PDE4D: variants seen among roughly 807,000 people sequenced by gnomAD.
PDE4D encodes the protein phosphodiesterase 4D, also known as 3',5'-cyclic-AMP phosphodiesterase 4D.
A neutral mutation model predicts 87.4 loss-of-function variants in PDE4D; 24 were observed. That is an observed-to-expected ratio of 0.27 (90% confidence interval 0.20 to 0.39). The LOEUF (loss-of-function observed/expected upper bound fraction) is 0.39. Ranked by LOEUF, PDE4D falls within the 10% of genes least tolerant of loss-of-function variation. The probability of loss-of-function intolerance (pLI) is 1.00; values close to 1 mark genes in which losing one functional copy is unlikely to be tolerated. For missense variants in PDE4D, 714 were observed against 1,041.0 expected (o/e 0.69, Z 4.32); for synonymous variants, 384 against 383.2 (o/e 1.00, Z -0.02).
Position 60,288,348 on chromosome 5 carries a change from T to C in PDE4D, c.-89-102661A>G, listed in dbSNP as rs567047004. On this transcript the variant is annotated intron_variant, in intron 1 of 16. Coordinates refer to the PDE4D transcript ENST00000502484. ...GTGACCACCAAACCTCTGCTACATA[T>C]TTATGAGTCTTCCTAAACCTCTAAT... Among the ~76,000 whole-genome samples, 9 of 152,366 alleles carry C rather than the reference T, an allele frequency of 5.9e-5. No individual in the cohort carries two copies. The South Asian group carries it at 1.9e-3, about 32-fold the overall frequency.
At chr5:59,056,363 T>C (rs542361401) in intron 5 of PDE4D, among the ~76,000 whole-genome samples, 30 of 152,232 alleles carry the variant, frequency 2.0e-4, no homozygotes, top group African/African-American at 7.0e-4. Flanking sequence ...CTTGAGTGTC[T>C]AAAAGTGCAG....
intron 1 of PDE4D, among the ~76,000 whole-genome samples, chr5:59,312,401 T>C (rs1308235900): frequency 1.3e-5 from 2 of 152,076 alleles, no homozygotes; most frequent in Non-Finnish European, 2.9e-5. Context: ...CTACAGCTGT[T>C]CCCCAGCTGG....
chr5:59,039,728 C>T lies in PDE4D; in HGVS notation c.809-757G>A, dbSNP rs6450500. 0.18 allele frequency: 29,119 copies of T among 162,286 alleles called. 3,601 individuals are homozygous for T. The highest frequency in any genetic ancestry group is 0.71 in the East Asian group (3,673 of 5,172). 10.1% of individuals were successfully genotyped at this position (162,286 alleles called of 1,614,324 possible). A position where few individuals can be genotyped will look rare whatever the true frequency, so the allele number is the denominator to read the frequency against. The stretch of plus-strand genomic sequence containing the variant: ...CCCTCGAGCTCTGCCCCGGGGGCCC[C>T]GCCACCTCGCAGTGCCATCCCCCCG... On this transcript the variant is annotated intron_variant, in intron 5 of 14. Coordinates refer to ENST00000340635, the MANE Select transcript of PDE4D (RefSeq NM_001104631.2).
chr5:60,418,694 G>T (rs1314049267), intron 1 of PDE4D, among the ~76,000 whole-genome samples: 3 of 151,968 alleles, frequency 2.0e-5, no homozygotes, highest in African/African-American at 7.3e-5. Flanking sequence ...AGAGAATGGA[G>T]TATCCATTCC....
chr5:60,037,087 A>T lies in PDE4D; in HGVS notation c.43-48370T>A, dbSNP rs16890457. On this transcript the variant is annotated intron_variant, in intron 2 of 16. Transcript: ENST00000502484. Reference sequence around the variant, plus strand: ...TGCATGCCAGGTTAATTCACATAGGAATAGGATACGCATATGGTTTTTCAT... The same window carrying T: ...TGCATGCCAGGTTAATTCACATAGGTATAGGATACGCATATGGTTTTTCAT... 7.5e-3 allele frequency among the ~76,000 whole-genome samples: 1,139 copies of T among 152,310 alleles called. 12 individuals carry two copies. The highest frequency in any genetic ancestry group is 0.026 in the African/African-American group (1,083 of 41,564).
chr5:59,567,311 C>T (rs1043209003), intron 1 of PDE4D, among the ~76,000 whole-genome samples: 3 of 152,182 alleles, frequency 2.0e-5, no homozygotes, highest in Admixed American at 1.3e-4. Flanking sequence ...CTACAAGTTA[C>T]TATTCTCCTT....
chr5:59,088,506 T>C (rs890912141), intron 5 of PDE4D, among the ~76,000 whole-genome samples: 3 of 152,182 alleles, frequency 2.0e-5, no homozygotes, highest in African/African-American at 7.2e-5. Context: ...CATGTGTATG[T>C]TCATTACAGC....
intron 1 of PDE4D, among the ~76,000 whole-genome samples, chr5:60,406,919 T>C (rs1198057025): frequency 6.6e-6 from 1 of 151,956 alleles, no homozygotes; most frequent in Non-Finnish European, 1.5e-5. Flanking sequence ...CAATGGCTGG[T>C]TGAAAAAGTA....
At chr5:60,084,383 T>C (rs1051840824) in intron 2 of PDE4D, among the ~76,000 whole-genome samples, 1 of 140,112 alleles carries the variant, frequency 7.1e-6, no homozygotes, top group African/African-American at 2.6e-5. Context: ...ATTCTTCGCA[T>C]CTTAACGTGT....
chr5:59,603,985 A>G (rs1054937736), intron 1 of PDE4D, among the ~76,000 whole-genome samples: 3 of 151,992 alleles, frequency 2.0e-5, no homozygotes, highest in African/African-American at 4.8e-5. Context: ...ATGTATATAT[A>G]CTTCAAAACA....
intron 1 of PDE4D, among the ~76,000 whole-genome samples, chr5:59,319,472 TCA>T (rs1334791423): frequency 6.6e-6 from 1 of 152,220 alleles, no homozygotes; most frequent in South Asian, 2.1e-4. Flanking sequence ...AGACATTTGC[TCA>T]CAGTCTGCAG....
intron 1 of PDE4D, among the ~76,000 whole-genome samples, chr5:59,427,834 AAG>A (rs1554170118): frequency 1.3e-5 from 2 of 151,900 alleles, no homozygotes; most frequent in African/African-American, 2.4e-5. Flanking sequence ...AAAAAAAAAA[AAG>A]AAATTGCTAT....
At chr5:59,154,819 G>A (rs1282673116) in intron 5 of PDE4D, among the ~76,000 whole-genome samples, 3 of 152,190 alleles carry the variant, frequency 2.0e-5, no homozygotes, top group Non-Finnish European at 4.4e-5. Context: ...CCAGGAGGTG[G>A]AGGTTACAGT....
At chr5:59,192,808 G>A (rs1424332317) in intron 3 of PDE4D, among the ~76,000 whole-genome samples, 1 of 152,156 alleles carries the variant, frequency 6.6e-6, no homozygotes, top group East Asian at 1.9e-4. Context: ...AACAAATACA[G>A]ATGCTTGTAA....
intron 1 of PDE4D, among the ~76,000 whole-genome samples, chr5:60,353,818 G>A (rs1260376006): frequency 1.3e-5 from 2 of 151,988 alleles, no homozygotes; most frequent in Non-Finnish European, 2.9e-5. Flanking sequence ...ACTATATATT[G>A]ACCAGGCGGC....
At chr5:59,663,691 C>T (rs1222082057) in intron 1 of PDE4D, among the ~76,000 whole-genome samples, 1 of 152,058 alleles carries the variant, frequency 6.6e-6, no homozygotes, top group Non-Finnish European at 1.5e-5. Context: ...GTATAATTTT[C>T]TAAATAATGG....
intron 6 of PDE4D, among the ~76,000 whole-genome samples, chr5:59,032,348 G>A (rs186951701): frequency 5.9e-5 from 9 of 152,300 alleles, no homozygotes; most frequent in South Asian, 4.1e-4. Flanking sequence ...GTGGGAGGCC[G>A]AGGAGGGAGG....
At chr5:59,376,694 C>G (rs1331270337) in intron 1 of PDE4D, among the ~76,000 whole-genome samples, 1 of 152,052 alleles carries the variant, frequency 6.6e-6, no homozygotes, top group Non-Finnish European at 1.5e-5. Flanking sequence ...TTTTAAAATT[C>G]ATATGGAACC....
intron 1 of PDE4D, among the ~76,000 whole-genome samples, chr5:60,435,020 G>A (rs1282970788): frequency 6.6e-6 from 1 of 152,100 alleles, no homozygotes; most frequent in African/African-American, 2.4e-5. Flanking sequence ...GTAAACATGG[G>A]TCAAGAAACT....
Sources: allele counts gnomAD v4.1 joint callset (sites outside exome capture counted in the v4.1 genomes callset), GRCh38; gene constraint gnomAD v4.1.1; transcripts MANE v1.5; gene names NCBI Gene and HGNC (gene_info 2026-07-23, HGNC 2026-07-21).